ATP10D: variants seen among roughly 807,000 people sequenced by gnomAD.
The protein encoded by ATP10D is phospholipid-transporting ATPase VD.
In ATP10D, 89 loss-of-function variants were observed where a neutral mutation model predicts 144.8. The ratio of observed to expected loss-of-function variants is 0.61; its 90% CI spans 0.52 to 0.73. The LOEUF (loss-of-function observed/expected upper bound fraction) is 0.73. Ranked by LOEUF, ATP10D falls within the 30% of genes least tolerant of loss-of-function variation. The probability of loss-of-function intolerance (pLI) is 0.00; values close to 1 mark genes in which losing one functional copy is unlikely to be tolerated. For missense variants in ATP10D, 1,603 were observed against 1,714.8 expected, an observed-to-expected ratio of 0.93 and a Z score of 1.15; for synonymous variants, 571 against 615.1, an observed-to-expected ratio of 0.93 and a Z score of 1.06.
At chr4:47,533,194 G>A (rs752148978) in intron 5 of ATP10D, among the ~76,000 whole-genome samples, 1 of 147,682 alleles carries the variant, frequency 6.8e-6, no homozygotes, top group Admixed American at 6.7e-5. Flanking sequence ...AGGACTCTAG[G>A]GATAAGAAAA....
intron 18 of ATP10D, among the ~76,000 whole-genome samples, chr4:47,573,900 T>C (rs1720097474): frequency 6.6e-6 from 1 of 152,006 alleles, no homozygotes; most frequent in African/African-American, 2.4e-5. Context: ...TTTTTTCCTA[T>C]AGCACAGTAC....
intron 13 of ATP10D, 91 bp from the exon 14 acceptor site, chr4:47,560,858 T>C (rs1026070556): frequency 4.0e-6 from 6 of 1,491,038 alleles, no homozygotes; most frequent in Non-Finnish European, 5.6e-6. Context: ...TAAAACAAGT[T>C]GATGGTTTGA....
intron 1 of ATP10D, among the ~76,000 whole-genome samples, chr4:47,508,057 CAGGGGAGA>C (rs1170849092): frequency 1.3e-5 from 2 of 152,110 alleles, no homozygotes; most frequent in African/African-American, 4.8e-5. Context: ...TCAGAATCTC[CAGGGGAGA>C]GGCTTTGGAG....
chr4:47,557,706 G>C lies in ATP10D; in HGVS notation c.1867G>C (p.Glu623Gln), dbSNP rs1225860607. Reference protein sequence around the residue: ...SLGGLPIKSLEEIKSLFQRWS... With the variant: ...SLGGLPIKSLQEIKSLFQRWS... Reference sequence around the variant, plus strand: ...GGGGGGGTTGCCCATTAAGTCTTTGGAAGAGATTAAAAGTCTTTTCCAGAG... The same window carrying C: ...GGGGGGGTTGCCCATTAAGTCTTTGCAAGAGATTAAAAGTCTTTTCCAGAG... The change falls in exon 12 of 23, where the codon GAA becomes CAA. Residue 623 changes from glutamate to glutamine, a missense_variant. By Grantham distance (29) the Glu-to-Gln change is conservative. Transcript: ENST00000273859. 1.2e-6 allele frequency: 2 copies of C among 1,613,978 alleles called. No homozygotes were observed. Among genetic ancestry groups the C allele is most frequent in the Non-Finnish European group, 1.7e-6 (2 of 1,179,862 alleles).
At chr4:47,552,072 G>A (rs1008575837) in intron 10 of ATP10D, among the ~76,000 whole-genome samples, 8 of 152,072 alleles carry the variant, frequency 5.3e-5, no homozygotes, top group Non-Finnish European at 1.0e-4. Flanking sequence ...GTCTTCTATG[G>A]TCCTGACTTT....
At chr4:47,580,850 TGAG>T (rs1320184389) in intron 20 of ATP10D, among the ~76,000 whole-genome samples, 1 of 152,100 alleles carries the variant, frequency 6.6e-6, no homozygotes, top group Admixed American at 6.5e-5. Context: ...TTGCTTGAGT[TGAG>T]GAGTTTGAAA....
intron 1 of ATP10D, among the ~76,000 whole-genome samples, chr4:47,509,745 C>G (rs1187028569): frequency 6.6e-6 from 1 of 152,138 alleles, no homozygotes; most frequent in African/African-American, 2.4e-5. Context: ...CTATCCATTT[C>G]CATGTATAAT....
At chr4:47,545,116 A>G (rs1176470616) in intron 9 of ATP10D, among the ~76,000 whole-genome samples, 1 of 152,228 alleles carries the variant, frequency 6.6e-6, no homozygotes, top group Non-Finnish European at 1.5e-5. Flanking sequence ...TCTGAATGAC[A>G]TAATCTTGAA....
chr4:47,574,529 C>T (rs1406593634), intron 18 of ATP10D, among the ~76,000 whole-genome samples: 1 of 152,152 alleles, frequency 6.6e-6, no homozygotes, highest in African/African-American at 2.4e-5. Context: ...AATAGCACCC[C>T]AAACCACAAA....
intron 13 of ATP10D, 62 bp from the exon 14 acceptor site, chr4:47,560,875 GCCAGAGGTCAGT>G: frequency 1.9e-6 from 3 of 1,557,356 alleles, no homozygotes; most frequent in Non-Finnish European, 2.6e-6. Context: ...TTGATATTTT[GCCAGAGGTCAGT>G]CCTGGTATTC....
intron 15 of ATP10D, among the ~76,000 whole-genome samples, chr4:47,567,792 C>G (rs967446658): frequency 6.6e-6 from 1 of 152,178 alleles, no homozygotes; most frequent in African/African-American, 2.4e-5. Context: ...TGTGCTGTTT[C>G]ATGTGCACAT....
chr4:47,510,337 C>T (rs1577626239), intron 1 of ATP10D, among the ~76,000 whole-genome samples: 1 of 151,834 alleles, frequency 6.6e-6, no homozygotes, highest in Admixed American at 6.6e-5. Flanking sequence ...TAGAAGGGGG[C>T]CATGGAGGGC....
Position 47,557,868 on chromosome 4 carries a change from T to C in ATP10D, c.2029T>C (p.Ser677Pro), listed in dbSNP as rs1372712477. 5.6e-6 allele frequency: 9 copies of C among 1,614,164 alleles called. No individual in the cohort carries two copies. Among genetic ancestry groups the C allele is most frequent in the Non-Finnish European group, 8.5e-7 (1 of 1,179,986 alleles). The change falls in exon 12 of 23, where the codon TCC (serine) becomes CCC (proline). Residue 677 changes from serine to proline, a missense_variant. Transcript: ENST00000273859. ...KPASPVEEEVSQVCESPQCSS... is the reference protein window; with the variant it reads ...KPASPVEEEVPQVCESPQCSS... Reference sequence around the variant, plus strand: ...AGCTTCACCTGTGGAGGAAGAGGTCTCCCAGGTGTGTGAGAGCCCCCAGTG... The same window carrying C: ...AGCTTCACCTGTGGAGGAAGAGGTCCCCCAGGTGTGTGAGAGCCCCCAGTG...
intron 5 of ATP10D, among the ~76,000 whole-genome samples, chr4:47,530,724 G>A (rs1453620910): frequency 1.3e-5 from 2 of 152,106 alleles, no homozygotes; most frequent in Non-Finnish European, 2.9e-5. Flanking sequence ...CCAAAGTGCT[G>A]GTATTACAGG....
rs369919671 is a variant in ATP10D at position 47,554,826 on chromosome 4, T to C, written c.1736T>C (p.Met579Thr). The change falls in exon 11 of 23, where the codon ATG becomes ACG. Residue 579 changes from methionine to threonine, a missense_variant. Coordinates refer to ENST00000273859, the MANE Select transcript of ATP10D (RefSeq NM_020453.4). ...GATGAGACCATCCAAAATCCACCAATGGAAACTTTGTACATTATCGACTTT... is the reference window on the plus strand; with the variant it reads ...GATGAGACCATCCAAAATCCACCAACGGAAACTTTGTACATTATCGACTTT... ...PLDETIQNPP[M>T]ETLYIIDFFI... The C allele has an allele frequency of 3.7e-6, 6 of 1,614,026 alleles. No homozygotes were observed. Among genetic ancestry groups the C allele is most frequent in the Non-Finnish European group, 3.4e-6 (4 of 1,180,010 alleles).
intron 1 of ATP10D, chr4:47,491,143 C>T (rs757583561): frequency 1.5e-5 from 11 of 733,532 alleles, no homozygotes; most frequent in Non-Finnish European, 2.0e-5. Context: ...TTCCTTCATG[C>T]GTTTCAGGAA....
At position 47,587,008 on chromosome 4, in the gene ATP10D, T is replaced by C. The variant is rs777017370; in HGVS notation, c.3754-11T>C. The stretch of plus-strand genomic sequence containing the variant: ...AGAGCATTCATTTCCTCTGCTCTTC[T>C]TGTCTTACAGACTTGGATTCACTTG... On this transcript the variant is annotated splice_polypyrimidine_tract_variant and intron_variant, in intron 21 of 22. Transcript: ENST00000273859. The C allele has an allele frequency of 7.4e-6, 12 of 1,612,932 alleles. No homozygotes were observed. The highest frequency in any genetic ancestry group is 1.3e-5 in the African/African-American group (1 of 74,906).
chr4:47,515,666 AG>A lies in ATP10D; in HGVS notation c.482del (p.Ser161IlefsTer58). On this transcript the variant is annotated frameshift_variant, in exon 3 of 23. Coordinates refer to ENST00000273859, the MANE Select transcript of ATP10D (RefSeq NM_020453.4). LOFTEE classifies it high-confidence loss of function. ...CAATAATTTAATAACTAAAGTTTAT[AG>A]TAGGTAAGTGTAATGGGACCTTTGC... is the stretch of plus-strand genomic sequence containing the variant. ...QINNLITKVYSRKEKKYIDRC... is the reference protein window; with the variant it reads ...QINNLITKVYXRKEKKYIDRC... 1 of 1,588,458 alleles carries A rather than the reference AG, an allele frequency of 6.3e-7. No individual in the cohort carries two copies. Among genetic ancestry groups the A allele is most frequent in the African/African-American group, 1.3e-5 (1 of 74,380 alleles).
chr4:47,557,916 A>G lies in ATP10D; in HGVS notation c.2077A>G (p.Thr693Ala). ...GTGCTCCAGTAGCTCAGCTTGCTGC[A>G]CAGAAACAGAGAAACAACACGGTGA... is the stretch of plus-strand genomic sequence containing the variant. ...PQCSSSSACC[T>A]ETEKQHGDAG... The change falls in exon 12 of 23, where the codon ACA (threonine) becomes GCA (alanine). Residue 693 changes from threonine (T) to alanine (A), a missense_variant. Thr to Ala is a moderately conservative substitution (Grantham distance 58, BLOSUM62 0). Transcript: ENST00000273859. 1.9e-6 allele frequency: 3 copies of G among 1,614,184 alleles called. No individual in the cohort carries two copies. Among genetic ancestry groups the G allele is most frequent in the Non-Finnish European group, 2.5e-6 (3 of 1,180,026 alleles).
Sources: allele counts gnomAD v4.1 joint callset (sites outside exome capture counted in the v4.1 genomes callset), GRCh38; gene constraint gnomAD v4.1.1; transcripts MANE v1.5; gene names NCBI Gene and HGNC (gene_info 2026-07-23, HGNC 2026-07-21).